The following UPF2 variants were observed in gnomAD, a reference collection of about 807,000 sequenced individuals.
UPF2 encodes UPF2 regulator of nonsense mediated mRNA decay.
In UPF2, 17 loss-of-function variants were observed where a neutral mutation model predicts 141.4. That is an observed-to-expected ratio of 0.12 (90% CI 0.08 to 0.18). The LOEUF (loss-of-function observed/expected upper bound fraction) is 0.18, where lower values mean the gene tolerates loss of function less well. Ranked by LOEUF, UPF2 falls within the 10% of genes least tolerant of loss-of-function variation. The pLI, the probability that UPF2 is intolerant of heterozygous loss-of-function variation, is 1.00. For missense variants in UPF2, 1,152 were observed against 1,515.9 expected (o/e 0.76, Z 3.99); for synonymous variants, 540 against 498.0 (o/e 1.08, Z -1.12).
intron 5 of UPF2, among the ~76,000 whole-genome samples, chr10:12,004,286 T>C (rs1326636531): frequency 6.6e-6 from 1 of 152,144 alleles, no homozygotes; most frequent in Non-Finnish European, 1.5e-5. Context: ...TACAAGACAT[T>C]ATAAACAAAC....
chr10:11,989,622 A>C (rs1245832694), intron 8 of UPF2, among the ~76,000 whole-genome samples: 1 of 152,246 alleles, frequency 6.6e-6, no homozygotes, highest in Non-Finnish European at 1.5e-5. Context: ...CTGAAAACAA[A>C]TCCCTGTGAG....
intron 14 of UPF2, among the ~76,000 whole-genome samples, chr10:11,954,647 T>A (rs200479193): frequency 0.24 from 32,492 of 136,962 alleles, 3,840 homozygotes; most frequent in East Asian, 0.28. Context: ...AAAAAAAATA[T>A]ATATATATAT....
At chr10:12,040,630 T>C (rs920865849) in intron 1 of UPF2, among the ~76,000 whole-genome samples, 1 of 151,854 alleles carries the variant, frequency 6.6e-6, no homozygotes, top group African/African-American at 2.4e-5. Context: ...TAGAAGTTCA[T>C]GAAGAGGCAG....
rs549905608 is a variant in UPF2, at chr10:11,992,518, C to A, written c.1844+5154G>T. Among the ~76,000 whole-genome samples the A allele has an allele frequency of 2.0e-5, 3 of 152,164 alleles. No homozygotes were observed. The highest frequency in any genetic ancestry group is 7.2e-5 in the African/African-American group (3 of 41,536). On this transcript the variant is annotated intron_variant, in intron 8 of 21. Transcript: ENST00000357604. The surrounding 1 kb of genome is among the most constrained non-coding windows in gnomAD (Gnocchi z 4.1). ...AATAATCGCTAAGCAAACTTACAAT[C>A]ATAAAGTAATAAAATAATAATGCAA...
intron 16 of UPF2, among the ~76,000 whole-genome samples, chr10:11,944,806 T>C (rs1372967056): frequency 1.3e-5 from 2 of 152,194 alleles, no homozygotes; most frequent in African/African-American, 4.8e-5. Context: ...TACACTGATA[T>C]AATAATGGGT....
chr10:11,969,571 T>A (rs1833381194), intron 9 of UPF2, among the ~76,000 whole-genome samples: 1 of 152,238 alleles, frequency 6.6e-6, no homozygotes. Flanking sequence ...AACAAAATGA[T>A]ACTCAATAAA....
intron 18 of UPF2, among the ~76,000 whole-genome samples, chr10:11,938,866 T>TTTGTTTG (rs1832895350): frequency 2.3e-5 from 2 of 88,672 alleles, no homozygotes; most frequent in African/African-American, 7.3e-5. Flanking sequence ...TTTTTTTTTT[T>TTTGTTTG]TTTTTTTTTT....
rs750562588 is a variant in UPF2 at position 12,019,195 on chromosome 10, A to G, written c.1146-5011T>C. Among the ~76,000 whole-genome samples the G allele has an allele frequency of 2.0e-4, 31 of 152,228 alleles. No individual in the cohort carries two copies. Among genetic ancestry groups the G allele is most frequent in the Non-Finnish European group, 1.2e-4 (8 of 68,042 alleles). ...TTCTGTAAAGGGCCATACAATACAT[A>G]TTTCAGTCTCTGCAGACCATTTGGT... is the stretch of plus-strand genomic sequence containing the variant. On this transcript the variant is annotated intron_variant, in intron 3 of 21. Transcript: ENST00000357604. This position sits in a 1 kb window ranked among gnomAD's most constrained non-coding sequence, Gnocchi z 4.5.
chr10:12,036,659 T>G (rs75452236), intron 1 of UPF2, among the ~76,000 whole-genome samples: 1 of 152,228 alleles, frequency 6.6e-6, no homozygotes, highest in Admixed American at 6.5e-5. Context: ...TACTCAGAAC[T>G]AGTTGTCTAA....
At chr10:12,002,887 T>G (rs149923979) in intron 5 of UPF2, among the ~76,000 whole-genome samples, 93 of 152,314 alleles carry the variant, frequency 6.1e-4, no homozygotes, top group African/African-American at 2.2e-3. Flanking sequence ...CAATAAAACC[T>G]GAGTTCAGGA....
At chr10:11,960,642 C>G (rs1833225253) in intron 11 of UPF2, among the ~76,000 whole-genome samples, 1 of 151,658 alleles carries the variant, frequency 6.6e-6, no homozygotes, top group African/African-American at 2.4e-5. Context: ...CGCTGTCATC[C>G]CAGCTACTCA....
intron 19 of UPF2, among the ~76,000 whole-genome samples, chr10:11,934,388 CA>C (rs1252595945): frequency 6.6e-6 from 1 of 152,064 alleles, no homozygotes; most frequent in Non-Finnish European, 1.5e-5. Context: ...TGCCAGAGCC[CA>C]ACCCTGGTCG....
chr10:11,974,742 C>T (rs920218833), intron 9 of UPF2, among the ~76,000 whole-genome samples: 7 of 151,988 alleles, frequency 4.6e-5, no homozygotes, highest in South Asian at 2.1e-4. Context: ...TTGATCATGG[C>T]GGATAAGCTT....
At chr10:12,020,769 GCA>G (rs980663980) in intron 3 of UPF2, among the ~76,000 whole-genome samples, 6 of 152,206 alleles carry the variant, frequency 3.9e-5, no homozygotes, top group Non-Finnish European at 7.3e-5. Flanking sequence ...GAAAACTGAA[GCA>G]CAGAGATGCC....
chr10:12,005,850 C>A (rs549403832), intron 4 of UPF2, among the ~76,000 whole-genome samples: 1 of 124,764 alleles, frequency 8.0e-6, no homozygotes, highest in African/African-American at 2.5e-5. Flanking sequence ...GGATTACAGG[C>A]GTGAGCCACC....
In UPF2 at chr10:11,998,296, G is replaced by A. The variant is rs1027647661; in HGVS notation, c.1759-539C>T. ...CCAAGATGCCTTAACTGACAGAGGAGAATTCTTCCAAAAGAAACTCAACTG... is the reference window on the plus strand; with the variant it reads ...CCAAGATGCCTTAACTGACAGAGGAAAATTCTTCCAAAAGAAACTCAACTG... On this transcript the variant is annotated intron_variant, in intron 7 of 21. Transcript: ENST00000357604. The surrounding 1 kb of genome is among the most constrained non-coding windows in gnomAD (Gnocchi z 4.5). Among the ~76,000 whole-genome samples, 3 of 152,130 alleles carry A rather than the reference G, an allele frequency of 2.0e-5. No individual in the cohort carries two copies. Among genetic ancestry groups the A allele is most frequent in the African/African-American group, 7.2e-5 (3 of 41,426 alleles).
Position 11,947,235 on chromosome 10 carries a change from T to G in UPF2, c.3174+1134A>C, listed in dbSNP as rs76772547. On this transcript the variant is annotated intron_variant, in intron 16 of 21. Transcript: ENST00000357604. Reference sequence around the variant, plus strand: ...ACAAAACCCAAAGAATTAAAACTGCTAGTTTTAATCACACAGAAATGACAT... The same window carrying G: ...ACAAAACCCAAAGAATTAAAACTGCGAGTTTTAATCACACAGAAATGACAT... Among the ~76,000 whole-genome samples the G allele has an allele frequency of 3.0e-3, 451 of 152,296 alleles. 5 individuals are homozygous for G. The highest frequency in any genetic ancestry group is 0.011 in the African/African-American group (437 of 41,554).
intron 8 of UPF2, among the ~76,000 whole-genome samples, chr10:11,994,975 C>CAAAAA (rs60922532): frequency 1.9e-4 from 10 of 51,358 alleles, no homozygotes; most frequent in African/African-American, 6.2e-4. Context: ...GACTCCATCT[C>CAAAAA]AAAAAAAAAA....
chr10:11,948,610 A>C, intron 15 of UPF2, 102 bp from the exon 16 acceptor site: 6 of 1,302,636 alleles, frequency 4.6e-6, no homozygotes, highest in African/African-American at 1.5e-5. Flanking sequence ...TAAGAATTCA[A>C]CAGCCATTTT....
Sources: allele counts gnomAD v4.1 joint callset (sites outside exome capture counted in the v4.1 genomes callset), GRCh38; gene constraint gnomAD v4.1.1; non-coding constraint Gnocchi (gnomAD v3.1); transcripts MANE v1.5; gene names NCBI Gene and HGNC (gene_info 2026-07-23, HGNC 2026-07-21).